XRCC1: variants seen among roughly 807,000 people sequenced by gnomAD.
The protein encoded by XRCC1 is X-ray repair cross complementing 1, also known as DNA repair protein XRCC1.
XRCC1 carries 52 observed loss-of-function variants against 83.3 expected under a neutral mutation model. The ratio of observed to expected loss-of-function variants is 0.62; its 90% CI spans 0.50 to 0.79. The LOEUF (loss-of-function observed/expected upper bound fraction) is 0.79, where lower values mean the gene tolerates loss of function less well. Among genes scored for constraint, XRCC1 ranks in the 30% least tolerant of loss-of-function variants. The pLI is 0.00. For missense variants in XRCC1, 793 were observed against 823.5 expected (o/e 0.96, Z 0.45); for synonymous variants, 281 against 312.6 (o/e 0.90, Z 1.07).
At chr19:43,551,176 C>T (rs1026284106) in intron 10 of XRCC1, among the ~76,000 whole-genome samples, 11 of 152,118 alleles carry the variant, frequency 7.2e-5, no homozygotes, top group Non-Finnish European at 1.5e-4. Flanking sequence ...CCATGTTGGC[C>T]AGGCTGGTCT....
chr19:43,546,830 G>T (rs1232431863), intron 11 of XRCC1, 54 bp downstream of exon 11: 1 of 1,604,978 alleles, frequency 6.2e-7, no homozygotes, highest in East Asian at 2.2e-5. Context: ...TGCCACAGCG[G>T]ACTCATGTCA....
chr19:43,546,828 C>A lies in XRCC1; in HGVS notation c.1293+56G>T, dbSNP rs748524736. ...GAGTGGGAAGTTTGGGGTGCCACAG[C>A]GGACTCATGTCATCCTCCCACTACA... On this transcript the variant is annotated intron_variant, in intron 11 of 16. Transcript: ENST00000262887. 4.4e-6 allele frequency: 7 copies of A among 1,601,864 alleles called. No individual in the cohort carries two copies. The African/African-American group carries it at 5.4e-5, about 12-fold the overall frequency.
Position 43,556,928 on chromosome 19 carries a change from C to A in XRCC1, c.256-2124G>T, listed in dbSNP as rs3213341. Reference sequence around the variant, plus strand: ...GCTGAGGCACAAGAATCGCTTGAACCCAGGAGTTGGAGGTGATGGTGAGCC... The same window carrying A: ...GCTGAGGCACAAGAATCGCTTGAACACAGGAGTTGGAGGTGATGGTGAGCC... On this transcript the variant is annotated intron_variant, in intron 3 of 16. Coordinates refer to ENST00000262887, the MANE Select transcript of XRCC1 (RefSeq NM_006297.3). Among the ~76,000 whole-genome samples the A allele has an allele frequency of 1.3e-4, 20 of 152,152 alleles. No individual in the cohort carries two copies. The East Asian group carries it at 1.7e-3, about 13-fold the overall frequency.
intron 2 of XRCC1, among the ~76,000 whole-genome samples, chr19:43,563,501 C>A (rs1222488175): frequency 2.0e-5 from 3 of 152,000 alleles, no homozygotes; most frequent in African/African-American, 7.3e-5. Flanking sequence ...TCAAAAACAA[C>A]AACAACAACA....
chr19:43,573,535 C>T (rs1015841539), intron 2 of XRCC1, among the ~76,000 whole-genome samples: 12 of 152,138 alleles, frequency 7.9e-5, no homozygotes, highest in Non-Finnish European at 1.6e-4. Flanking sequence ...ATTTTTCCGT[C>T]ACCCTAGCAC....
chr19:43,551,314 CCT>C (rs1055781894), intron 10 of XRCC1, among the ~76,000 whole-genome samples: 1 of 152,224 alleles, frequency 6.6e-6, no homozygotes, highest in East Asian at 1.9e-4. Context: ...TTCTCCCACC[CCT>C]GAGTTTTTGC....
intron 2 of XRCC1, among the ~76,000 whole-genome samples, chr19:43,563,646 C>T (rs889527272): frequency 2.6e-5 from 4 of 152,174 alleles, no homozygotes; most frequent in Non-Finnish European, 5.9e-5. Flanking sequence ...TCTGCACCTG[C>T]CAATCCCCCT....
chr19:43,564,098 A>C (rs1373415670), intron 2 of XRCC1, among the ~76,000 whole-genome samples: 1 of 152,198 alleles, frequency 6.6e-6, no homozygotes, highest in Non-Finnish European at 1.5e-5. Context: ...AAAGTTGTTG[A>C]GAACATTCAA....
intron 4 of XRCC1, among the ~76,000 whole-genome samples, chr19:43,554,315 G>A (rs564557227): frequency 6.6e-6 from 1 of 152,164 alleles, no homozygotes; most frequent in African/African-American, 2.4e-5. Flanking sequence ...GTATAGCCAG[G>A]ACGTGAACTC....
chr19:43,555,901 T>A (rs1972631411), intron 3 of XRCC1, among the ~76,000 whole-genome samples: 1 of 152,168 alleles, frequency 6.6e-6, no homozygotes, highest in African/African-American at 2.4e-5. Context: ...TATTATTATT[T>A]TTTTAAGAGA....
chr19:43,575,025 AG>A, intron 1 of XRCC1, 23 bp from the exon 2 acceptor site: 3 of 1,589,194 alleles, frequency 1.9e-6, no homozygotes, highest in Non-Finnish European at 2.6e-6. Context: ...GTGGGAGAGG[AG>A]AATTAGGGCA....
At chr19:43,575,229 GAA>G (rs1825385424) in intron 1 of XRCC1, among the ~76,000 whole-genome samples, 177 bp downstream of exon 1, 1 of 152,106 alleles carries the variant, frequency 6.6e-6, no homozygotes. Context: ...TTTCTCTCCG[GAA>G]GTTCCCTAGA....
intron 3 of XRCC1, among the ~76,000 whole-genome samples, chr19:43,558,953 G>A (rs1333697593): frequency 6.6e-6 from 1 of 151,604 alleles, no homozygotes; most frequent in African/African-American, 2.4e-5. Flanking sequence ...GCCAGGCAAT[G>A]TAGTGAAACC....
At chr19:43,573,464 C>G (rs1309385099) in intron 2 of XRCC1, among the ~76,000 whole-genome samples, 1 of 152,168 alleles carries the variant, frequency 6.6e-6, no homozygotes, top group East Asian at 1.9e-4. Flanking sequence ...ATATACTCCC[C>G]CTCCAGTGGG....
chr19:43,551,051 T>A (rs1972569342), intron 10 of XRCC1, among the ~76,000 whole-genome samples: 1 of 152,154 alleles, frequency 6.6e-6, no homozygotes, highest in South Asian at 2.1e-4. Flanking sequence ...GTGGCACGAT[T>A]TTGGCTTCCA....
At chr19:43,549,450 G>A (rs1055824116) in intron 10 of XRCC1, among the ~76,000 whole-genome samples, 2 of 152,076 alleles carry the variant, frequency 1.3e-5, no homozygotes, top group Non-Finnish European at 2.9e-5. Context: ...TGGTACAGAT[G>A]GGGTTTTACC....
chr19:43,574,768 A>AT, intron 2 of XRCC1, 142 bp downstream of exon 2: 2 of 673,986 alleles, frequency 3.0e-6, no homozygotes, highest in Non-Finnish European at 5.3e-6. Context: ...GGGCACAGGG[A>AT]TTATGCTGCC....
chr19:43,565,972 A>C (rs1972748203), intron 2 of XRCC1, among the ~76,000 whole-genome samples: 1 of 152,080 alleles, frequency 6.6e-6, no homozygotes, highest in African/African-American at 2.4e-5. Context: ...ACAGTGGCTC[A>C]CACCTGTAAT....
At chr19:43,573,622 G>C (rs188753028) in intron 2 of XRCC1, among the ~76,000 whole-genome samples, 8 of 152,032 alleles carry the variant, frequency 5.3e-5, no homozygotes, top group African/African-American at 1.7e-4. Flanking sequence ...CCTGTCATCC[G>C]AGCACTTTGG....
Sources: allele counts gnomAD v4.1 joint callset (sites outside exome capture counted in the v4.1 genomes callset), GRCh38; gene constraint gnomAD v4.1.1; transcripts MANE v1.5; gene names NCBI Gene and HGNC (gene_info 2026-07-23, HGNC 2026-07-21).